Variants in PCMTD2 observed in about 807,000 individuals in gnomAD.
The protein encoded by PCMTD2 is protein-L-isoaspartate O-methyltransferase domain-containing protein 2.
A neutral mutation model predicts 33.4 loss-of-function variants in PCMTD2; 16 were observed. The observed-to-expected ratio is 0.48, with a 90% CI of 0.32 to 0.73. PCMTD2 has a LOEUF of 0.73. Among genes scored for constraint, PCMTD2 ranks in the 30% least tolerant of loss-of-function variants. PCMTD2 has a pLI of 0.03. For missense variants in PCMTD2, 374 were observed against 449.9 expected, an observed-to-expected ratio of 0.83 and a Z score of 1.53; for synonymous variants, 161 against 160.8, an observed-to-expected ratio of 1.00 and a Z score of -0.01.
chr20:64,263,958 G>A (rs1985542590), intron 2 of PCMTD2, among the ~76,000 whole-genome samples: 1 of 152,156 alleles, frequency 6.6e-6, no homozygotes, highest in African/African-American at 2.4e-5. Context: ...TCAAATTACT[G>A]ATAAATATCC....
chr20:64,265,494 A>G (rs1985619162), intron 4 of PCMTD2, 65 bp downstream of exon 4: 7 of 1,198,216 alleles, frequency 5.8e-6, no homozygotes, highest in Non-Finnish European at 8.2e-6. Flanking sequence ...TGGGCAGTGT[A>G]CGGATACTTA....
At chr20:64,256,389 A>C (rs1985168296) in intron 1 of PCMTD2, among the ~76,000 whole-genome samples, 1 of 152,124 alleles carries the variant, frequency 6.6e-6, no homozygotes, top group African/African-American at 2.4e-5. Context: ...AACTTGCCTG[A>C]GCTTCGGGCC....
chr20:64,269,411 A>G (rs1985793180), intron 5 of PCMTD2, among the ~76,000 whole-genome samples: 1 of 152,270 alleles, frequency 6.6e-6, no homozygotes, highest in East Asian at 1.9e-4. Context: ...AATCATGACA[A>G]TGTGGTGGGC....
At chr20:64,262,597 T>C (rs1374064358) in intron 2 of PCMTD2, 2 of 152,338 alleles carry the variant, frequency 1.3e-5, no homozygotes, top group East Asian at 3.8e-4. Flanking sequence ...CTCATTGGCT[T>C]CCCGGCGCCT....
chr20:64,263,232 ATGT>A (rs1305430802), intron 2 of PCMTD2, among the ~76,000 whole-genome samples: 2 of 152,316 alleles, frequency 1.3e-5, no homozygotes, highest in East Asian at 3.9e-4. Flanking sequence ...TCAGGATTTG[ATGT>A]TGTAAACAGT....
intron 5 of PCMTD2, 134 bp downstream of exon 5, chr20:64,268,144 T>TGTGC (rs1555819871): frequency 3.5e-5 from 20 of 567,822 alleles, no homozygotes; most frequent in Non-Finnish European, 6.1e-5. Context: ...TGTAAAATTC[T>TGTGC]ACAAGCAATT....
At chr20:64,263,941 T>C (rs1193231452) in intron 2 of PCMTD2, among the ~76,000 whole-genome samples, 1 of 152,264 alleles carries the variant, frequency 6.6e-6, no homozygotes, top group Non-Finnish European at 1.5e-5. Context: ...CATTTCTCAG[T>C]TGTATTTCAA....
intron 4 of PCMTD2, among the ~76,000 whole-genome samples, chr20:64,267,216 T>G (rs1402174417): frequency 6.6e-6 from 1 of 152,226 alleles, no homozygotes; most frequent in Non-Finnish European, 1.5e-5. Context: ...GTGCTCGTAA[T>G]ACTTTAATTC....
intron 1 of PCMTD2, among the ~76,000 whole-genome samples, chr20:64,259,579 G>A (rs1808056): frequency 0.42 from 63,717 of 151,586 alleles, 13,850 homozygotes; most frequent in South Asian, 0.48. Flanking sequence ...TAGTAGAGAC[G>A]GGGTTTCACC....
At chr20:64,269,864 G>A (rs1156522487) in intron 5 of PCMTD2, among the ~76,000 whole-genome samples, 1 of 150,850 alleles carries the variant, frequency 6.6e-6, no homozygotes, top group Non-Finnish European at 1.5e-5. Flanking sequence ...TGTGGGGGGT[G>A]TGGGCGTGCA....
At chr20:64,267,256 A>G (rs1403485156) in intron 4 of PCMTD2, among the ~76,000 whole-genome samples, 1 of 152,142 alleles carries the variant, frequency 6.6e-6, no homozygotes, top group Non-Finnish European at 1.5e-5. Flanking sequence ...CCTACACTGG[A>G]GTGTGTTAAG....
chr20:64,256,552 A>G (rs1429118660), intron 1 of PCMTD2: 2 of 152,160 alleles, frequency 1.3e-5, no homozygotes, highest in African/African-American at 4.8e-5. Flanking sequence ...TTCTCAAGGG[A>G]ATGGCTAAAC....
chr20:64,265,201 G>A (rs1985605514), intron 3 of PCMTD2, 57 bp from the exon 4 acceptor site: 4 of 1,336,856 alleles, frequency 3.0e-6, no homozygotes, highest in African/African-American at 1.4e-5. Flanking sequence ...TAGATTTACT[G>A]TATAGACTTG....
chr20:64,259,164 A>G (rs1425735922), intron 1 of PCMTD2, among the ~76,000 whole-genome samples: 1 of 152,226 alleles, frequency 6.6e-6, no homozygotes, highest in African/African-American at 2.4e-5. Context: ...AACTTTAGCC[A>G]GGAAGCTGAT....
chr20:64,271,955 G>A (rs947298009), intron 5 of PCMTD2: 2 of 315,824 alleles, frequency 6.3e-6, no homozygotes, highest in Non-Finnish European at 1.3e-5. Flanking sequence ...AGGAAGGAAG[G>A]ATGGCTGTAC....
intron 3 of PCMTD2, 56 bp from the exon 4 acceptor site, chr20:64,265,202 T>A (rs113835747): frequency 1.5e-6 from 2 of 1,346,846 alleles, no homozygotes; most frequent in East Asian, 2.3e-5. Context: ...AGATTTACTG[T>A]ATAGACTTGT....
At position 64,274,089 on chromosome 20, in the gene PCMTD2, T is replaced by C. The variant is rs41279356; in HGVS notation, c.*489T>C. 1.1e-3 allele frequency: 174 copies of C among 152,932 alleles called. No individual in the cohort carries two copies. Among genetic ancestry groups the C allele is most frequent in the Non-Finnish European group, 2.0e-3 (134 of 68,450 alleles). The allele number at this position is 152,932 out of a possible 1,614,324, so 9.5% of individuals were successfully genotyped here. A position where few individuals can be genotyped will look rare whatever the true frequency, so the allele number is the denominator to read the frequency against. ...CGTCCAAGTTTGAATTTTTATGATA[T>C]GTACCACTTAATTACTGGCACTGAG... On this transcript the variant is annotated 3_prime_UTR_variant, in exon 6 of 6. Coordinates refer to ENST00000308824, the MANE Select transcript of PCMTD2 (RefSeq NM_018257.3).
intron 4 of PCMTD2, chr20:64,265,720 C>A (rs552697950): frequency 3.5e-4 from 111 of 316,148 alleles, no homozygotes; most frequent in African/African-American, 1.7e-3. Context: ...TCTTCCTTCC[C>A]CTTCTCCTTC....
chr20:64,260,489 C>T (rs1985363940), intron 2 of PCMTD2, among the ~76,000 whole-genome samples: 1 of 152,182 alleles, frequency 6.6e-6, no homozygotes, highest in Admixed American at 6.5e-5. Context: ...AGGGACCTCT[C>T]CTGTTCTCTG....
Sources: gnomAD v4.1 joint callset for allele counts (sites outside exome capture counted in the v4.1 genomes callset) on GRCh38, gnomAD v4.1.1 for gene constraint, MANE v1.5 for transcripts, NCBI Gene and HGNC (gene_info 2026-07-23, HGNC 2026-07-21) for gene names.